The following RUFY4 variants were observed in gnomAD, a reference collection of about 807,000 sequenced individuals.
RUFY4 encodes RUN and FYVE domain containing 4.
RUFY4 carries 73 observed loss-of-function variants against 69.0 expected under a neutral mutation model. That is an observed-to-expected ratio of 1.06 (90% CI 0.88 to 1.29). The LOEUF (loss-of-function observed/expected upper bound fraction) is 1.29. Ranked by LOEUF, RUFY4 falls within the 50% of genes most tolerant of loss-of-function variation. The pLI, the probability that RUFY4 is intolerant of heterozygous loss-of-function variation, is 0.00. For synonymous variants in RUFY4, 287 were observed against 271.8 expected (o/e 1.06, Z -0.55); for missense variants, 770 against 705.6 (o/e 1.09, Z -1.03).
chr2:218,039,723 C>T (rs1342653753), intron 2 of RUFY4, among the ~76,000 whole-genome samples: 1 of 152,194 alleles, frequency 6.6e-6, no homozygotes, highest in Non-Finnish European at 1.5e-5. Context: ...TCATGGACTG[C>T]CCCAGCTCTA....
intron 2 of RUFY4, chr2:218,058,447 C>T (rs1341373647): frequency 6.6e-6 from 1 of 152,214 alleles, no homozygotes; most frequent in Non-Finnish European, 1.5e-5. Context: ...CCTTCCCCGA[C>T]CCTTTAATAA....
At chr2:218,046,359 C>A (rs1208867897) in intron 2 of RUFY4, among the ~76,000 whole-genome samples, 1 of 151,952 alleles carries the variant, frequency 6.6e-6, no homozygotes, top group African/African-American at 2.4e-5. Flanking sequence ...CCCCCTGCCA[C>A]CTGCCCTTCC....
intron 8 of RUFY4, among the ~76,000 whole-genome samples, chr2:218,080,176 A>G (rs985815976): frequency 6.6e-6 from 1 of 152,230 alleles, no homozygotes; most frequent in Non-Finnish European, 1.5e-5. Flanking sequence ...CAGGGGCCTC[A>G]AAGGCAGAGT....
intron 3 of RUFY4, chr2:218,060,924 C>A: frequency 1.0e-6 from 1 of 955,618 alleles, no homozygotes; most frequent in African/African-American, 1.6e-5. Flanking sequence ...CAAACCCAGA[C>A]ATATGAACTT....
At chr2:218,064,415 T>C (rs555831360), upstream of RUFY4, among the ~76,000 whole-genome samples, 282 of 152,234 alleles carry the variant, frequency 1.9e-3, 3 homozygotes, top group African/African-American at 6.5e-3. Context: ...CAACCCCAAG[T>C]TGGGTCTCCA....
intron 9 of RUFY4, among the ~76,000 whole-genome samples, chr2:218,088,080 CAAGA>C: frequency 6.6e-6 from 1 of 152,022 alleles, no homozygotes. Flanking sequence ...CCACTGAGAA[CAAGA>C]AAGAGAGGGG....
chr2:218,073,774 CTG>C lies in RUFY4; in HGVS notation c.531-41_531-40del, dbSNP rs1225333610. ...CTCCATCTGAGGACCAAGCCCAACACTGAAGAGAGGCCCAGGGTCCCCCTGCC... is the reference window on the plus strand; with the variant it reads ...CTCCATCTGAGGACCAAGCCCAACACAAGAGAGGCCCAGGGTCCCCCTGCC... On this transcript the variant is annotated intron_variant, in intron 5 of 10. Coordinates refer to ENST00000344321, the Ensembl canonical transcript of RUFY4. The C allele has an allele frequency of 3.1e-6, 5 of 1,609,792 alleles. No individual in the cohort carries two copies. The South Asian group carries it at 5.5e-5, about 18-fold the overall frequency.
chr2:218,063,609 G>T (rs1689250924), intron 3 of RUFY4, among the ~76,000 whole-genome samples: 1 of 152,182 alleles, frequency 6.6e-6, no homozygotes, highest in African/African-American at 2.4e-5. Context: ...GAATTAACCA[G>T]CAGGCAAGGG....
At chr2:218,051,203 A>T (rs967066275) in intron 2 of RUFY4, among the ~76,000 whole-genome samples, 1 of 152,326 alleles carries the variant, frequency 6.6e-6, no homozygotes, top group Non-Finnish European at 1.5e-5. Flanking sequence ...ATTGTTAAAC[A>T]TAGCTTTAAG....
chr2:218,040,408 G>T (rs935690353), intron 2 of RUFY4, among the ~76,000 whole-genome samples: 1 of 152,174 alleles, frequency 6.6e-6, no homozygotes, highest in African/African-American at 2.4e-5. Flanking sequence ...CCTACGGTTG[G>T]ACACACCTGG....
chr2:218,036,501 A>G (rs1958981078), intron 2 of RUFY4, among the ~76,000 whole-genome samples: 1 of 152,202 alleles, frequency 6.6e-6, no homozygotes, highest in African/African-American at 2.4e-5. Context: ...CCACAGTTCC[A>G]ATTTGAACCA....
At position 218,075,838 on chromosome 2, in the gene RUFY4, C is replaced by T. The variant is rs77937519; in HGVS notation, c.1248+98C>T. ...GGTAGCCTGGGACCATTCCCTCCCACGGGTCAATTTTTATTGGCCCACTCA... is the reference window on the plus strand; with the variant it reads ...GGTAGCCTGGGACCATTCCCTCCCATGGGTCAATTTTTATTGGCCCACTCA... On this transcript the variant is annotated intron_variant, in intron 7 of 10. Transcript: ENST00000344321. 4.5e-3 allele frequency: 5,543 copies of T among 1,224,238 alleles called. 230 individuals are homozygous for T. The African/African-American group carries it at 0.078, about 17-fold the overall frequency. 75.8% of individuals were successfully genotyped at this position (1,224,238 alleles called of 1,614,324 possible). A position where few individuals can be genotyped will look rare whatever the true frequency, so the allele number is the denominator to read the frequency against.
intron 2 of RUFY4, among the ~76,000 whole-genome samples, chr2:218,038,146 A>C (rs1158335332): frequency 6.6e-6 from 1 of 152,162 alleles, no homozygotes; most frequent in Admixed American, 6.5e-5. Flanking sequence ...ATGATCTTAA[A>C]GTTATCAAAA....
chr2:218,078,378 G>A (rs901253085), intron 8 of RUFY4, among the ~76,000 whole-genome samples: 1 of 152,158 alleles, frequency 6.6e-6, no homozygotes, highest in Non-Finnish European at 1.5e-5. Flanking sequence ...TCCAGGCTGC[G>A]AGAACAGCAA....
chr2:218,089,190 C>T, intron 9 of RUFY4, 62 bp from the exon 12 acceptor site: 1 of 1,355,538 alleles, frequency 7.4e-7, no homozygotes, highest in Non-Finnish European at 1.0e-6. Context: ...TGGGTCTTTT[C>T]CCATTTCTAT....
At chr2:218,060,265 G>A (rs10186031) in intron 3 of RUFY4, 4 of 1,366,048 alleles carry the variant, frequency 2.9e-6, no homozygotes, top group Middle Eastern at 2.5e-4. Flanking sequence ...AGAAGAGCTA[G>A]TGGACATGAG....
Position 218,070,711 on chromosome 2 carries a change from G to T in RUFY4, c.47-42G>T, listed in dbSNP as rs1049340553. ...TCATGGGAGAAGTCAGGGTCTGGGAGCCCCTCCCTCAGCGACCTGACATCT... is the reference window on the plus strand; with the variant it reads ...TCATGGGAGAAGTCAGGGTCTGGGATCCCCTCCCTCAGCGACCTGACATCT... On this transcript the variant is annotated intron_variant, in intron 1 of 10. Transcript: ENST00000344321. 2.0e-6 allele frequency: 3 copies of T among 1,535,034 alleles called. No homozygotes were observed. The Admixed American group carries it at 5.9e-5, about 30-fold the overall frequency.
rs540927974 is a variant in RUFY4 at position 218,060,832 on chromosome 2, A to G, written c.-1071+2151A>G. 5 of 1,569,928 alleles carry G rather than the reference A, an allele frequency of 3.2e-6. No individual in the cohort carries two copies. The African/African-American group carries it at 4.1e-5, about 13-fold the overall frequency. On this transcript the variant is annotated intron_variant and NMD_transcript_variant, in intron 3 of 13. Coordinates refer to the RUFY4 transcript ENST00000457754. ...GCTGTATTGTTGCCCATGTCCTCAT[A>G]GCAGACTGGGCTAACATTGGATGGG... is the stretch of plus-strand genomic sequence containing the variant.
At chr2:218,050,661 AT>A (rs112171073) in intron 2 of RUFY4, among the ~76,000 whole-genome samples, 2 of 151,900 alleles carry the variant, frequency 1.3e-5, no homozygotes, top group South Asian at 2.1e-4. Flanking sequence ...ATTACCACAC[AT>A]TTTTTTTGGC....
Sources: gnomAD v4.1 joint callset for allele counts (sites outside exome capture counted in the v4.1 genomes callset) on GRCh38, gnomAD v4.1.1 for gene constraint, MANE v1.5 for transcripts, NCBI Gene and HGNC (gene_info 2026-07-23, HGNC 2026-07-21) for gene names.